The following GALNT10 variants were observed in gnomAD, a reference collection of about 807,000 sequenced individuals.
GALNT10 encodes GalNAc transferase 10.
A neutral mutation model predicts 75.0 loss-of-function variants in GALNT10; 41 were observed. The ratio of observed to expected loss-of-function variants is 0.55; its 90% CI spans 0.43 to 0.71. The LOEUF (loss-of-function observed/expected upper bound fraction) is 0.71, where lower values mean the gene tolerates loss of function less well. GALNT10 is among the 30% of genes least tolerant of loss of function. The pLI is 0.00. For synonymous variants in GALNT10, 302 were observed against 313.0 expected, an observed-to-expected ratio of 0.96 and a Z score of 0.37; for missense variants, 727 against 818.5, an observed-to-expected ratio of 0.89 and a Z score of 1.36.
chr5:154,234,601 G>C (rs1428253596), intron 1 of GALNT10, among the ~76,000 whole-genome samples: 1 of 152,204 alleles, frequency 6.6e-6, no homozygotes. Flanking sequence ...AGGAAGTAAG[G>C]TACCATGAGG....
chr5:154,414,662 T>C (rs62379917), intron 10 of GALNT10, among the ~76,000 whole-genome samples: 33,821 of 151,738 alleles, frequency 0.22, 3,922 homozygotes, highest in East Asian at 0.43. Flanking sequence ...ATTACCTTGA[T>C]TATGATGATG....
At chr5:154,295,417 G>C (rs1462860540) in intron 2 of GALNT10, among the ~76,000 whole-genome samples, 1 of 144,526 alleles carries the variant, frequency 6.9e-6, no homozygotes, top group Non-Finnish European at 1.5e-5. Flanking sequence ...TAAGAGGGGT[G>C]GTAATCTGCC....
intron 1 of GALNT10, among the ~76,000 whole-genome samples, chr5:154,229,792 C>T (rs548578040): frequency 2.6e-5 from 4 of 152,214 alleles, no homozygotes; most frequent in South Asian, 4.1e-4. Context: ...TTACTCCTTC[C>T]GTAGTATCCC....
At chr5:154,365,907 A>G (rs1755468094) in intron 4 of GALNT10, among the ~76,000 whole-genome samples, 1 of 152,150 alleles carries the variant, frequency 6.6e-6, no homozygotes, top group Admixed American at 6.5e-5. Context: ...GCAATACACT[A>G]TTCTTTCCAA....
chr5:154,264,313 CAA>C (rs372645621), intron 1 of GALNT10, among the ~76,000 whole-genome samples: 188 of 105,140 alleles, frequency 1.8e-3, no homozygotes, highest in African/African-American at 5.4e-3. Context: ...ACTCTGTCTC[CAA>C]AAAAAAAAAA....
intron 1 of GALNT10, among the ~76,000 whole-genome samples, chr5:154,210,645 A>G (rs1002262568): frequency 6.6e-6 from 1 of 152,100 alleles, no homozygotes; most frequent in Non-Finnish European, 1.5e-5. Flanking sequence ...TTTCCCCCCA[A>G]CTATTTTATT....
At position 154,380,594 on chromosome 5, in the gene GALNT10, C is replaced by G; in HGVS notation, c.901C>G (p.Pro301Ala). The change falls in exon 6 of 12, where the codon CCA (proline) becomes GCA (alanine). Residue 301 changes from proline (P) to alanine (A), a missense_variant. By Grantham distance (27) the Pro-to-Ala change is conservative. Transcript: ENST00000297107. Reference protein sequence around the residue: ...EMYYKRIPIPPELQKADPSDP... With the variant: ...EMYYKRIPIPAELQKADPSDP... ...GTACTACAAGCGGATCCCGATCCCT[C>G]CAGAACTGCAGAAAGCTGACCCCAG... 2 of 1,613,804 alleles carry G rather than the reference C, an allele frequency of 1.2e-6. No homozygotes were observed. The highest frequency in any genetic ancestry group is 1.7e-6 in the Non-Finnish European group (2 of 1,179,768).
chr5:154,342,563 G>A (rs1488071020), intron 4 of GALNT10, among the ~76,000 whole-genome samples: 1 of 152,190 alleles, frequency 6.6e-6, no homozygotes, highest in East Asian at 1.9e-4. Flanking sequence ...CGTACTTTTG[G>A]AAAACACAGG....
intron 1 of GALNT10, among the ~76,000 whole-genome samples, chr5:154,251,901 T>C (rs1228508622): frequency 6.6e-6 from 1 of 152,134 alleles, no homozygotes; most frequent in African/African-American, 2.4e-5. Context: ...ATAAATATGT[T>C]TATAGTTGTA....
At position 154,314,289 on chromosome 5, in the gene GALNT10, C is replaced by T. The variant is rs922924694; in HGVS notation, c.402-15283C>T. Among the ~76,000 whole-genome samples the T allele has an allele frequency of 2.6e-5, 4 of 152,148 alleles. No individual in the cohort carries two copies. The East Asian group carries it at 7.7e-4, about 29-fold the overall frequency. On this transcript the variant is annotated intron_variant, in intron 3 of 11. Transcript: ENST00000297107. ...GGATTTTGAACCCAGATCTGAGTGT[C>T]TCTTCAGCCTATCCATTTCCCTCAC...
intron 7 of GALNT10, among the ~76,000 whole-genome samples, chr5:154,391,611 C>T (rs946299064): frequency 2.0e-5 from 3 of 152,230 alleles, no homozygotes; most frequent in African/African-American, 7.2e-5. Flanking sequence ...TCCCCTTTTC[C>T]TCTTATCCCA....
At chr5:154,408,443 G>A (rs929706848) in intron 8 of GALNT10, among the ~76,000 whole-genome samples, 5 of 152,128 alleles carry the variant, frequency 3.3e-5, no homozygotes, top group South Asian at 2.1e-4. Context: ...GTTTTGGAGC[G>A]GAGAATTTCC....
At chr5:154,337,431 A>C in intron 4 of GALNT10, 4 of 636,470 alleles carry the variant, frequency 6.3e-6, no homozygotes, top group Non-Finnish European at 8.7e-6. Flanking sequence ...TTCTCTGGCT[A>C]TCCTCTCCTG....
intron 3 of GALNT10, among the ~76,000 whole-genome samples, chr5:154,299,254 G>A (rs574166419): frequency 2.0e-5 from 3 of 152,322 alleles, no homozygotes; most frequent in African/African-American, 4.8e-5. Context: ...CTATGAGGAA[G>A]GGTCCAGCAA....
intron 4 of GALNT10, among the ~76,000 whole-genome samples, chr5:154,369,851 C>T (rs906223443): frequency 2.0e-5 from 3 of 152,220 alleles, no homozygotes; most frequent in African/African-American, 7.2e-5. Context: ...CTCCCTGCTT[C>T]CCTTCTGCTG....
chr5:154,313,613 A>C (rs974975699), intron 3 of GALNT10, among the ~76,000 whole-genome samples: 1 of 152,204 alleles, frequency 6.6e-6, no homozygotes, highest in African/African-American at 2.4e-5. Flanking sequence ...CATCCCCTGA[A>C]TGGCAAAGGG....
chr5:154,367,033 T>C (rs1755486658), intron 4 of GALNT10, among the ~76,000 whole-genome samples: 1 of 152,010 alleles, frequency 6.6e-6, no homozygotes, highest in South Asian at 2.1e-4. Context: ...CATTGGAAGG[T>C]CATAAAATCA....
rs1756424467 is a variant in GALNT10 at position 154,412,760 on chromosome 5, C to A, written c.1387-129C>A. On this transcript the variant is annotated intron_variant, in intron 9 of 11. Coordinates refer to ENST00000297107, the MANE Select transcript of GALNT10 (RefSeq NM_198321.4). The surrounding 1 kb of genome is among the most constrained non-coding windows in gnomAD (Gnocchi z 4.2). Reference sequence around the variant, plus strand: ...GGTACTTCCAACAGCCCAGGGCAAGCTTTATCAAGACGATTTGAAGGTTAA... The same window carrying A: ...GGTACTTCCAACAGCCCAGGGCAAGATTTATCAAGACGATTTGAAGGTTAA... 1 of 748,068 alleles carries A rather than the reference C, an allele frequency of 1.3e-6. No homozygotes were observed. The highest frequency in any genetic ancestry group is 1.8e-5 in the Admixed American group (1 of 55,880). 46.3% of individuals were successfully genotyped at this position (748,068 alleles called of 1,614,324 possible). A position where few individuals can be genotyped will look rare whatever the true frequency, so the allele number is the denominator to read the frequency against.
intron 4 of GALNT10, among the ~76,000 whole-genome samples, chr5:154,374,620 G>A (rs1345167641): frequency 6.6e-6 from 1 of 152,248 alleles, no homozygotes; most frequent in East Asian, 1.9e-4. Flanking sequence ...GAAGTGCTGG[G>A]ATTATAGGCA....
Sources: gnomAD v4.1 joint callset for allele counts (sites outside exome capture counted in the v4.1 genomes callset) on GRCh38, gnomAD v4.1.1 for gene constraint, Gnocchi (gnomAD v3.1) non-coding constraint, MANE v1.5 for transcripts, NCBI Gene and HGNC (gene_info 2026-07-23, HGNC 2026-07-21) for gene names.